Variants in ZNF714 observed in about 807,000 individuals in gnomAD.
ZNF714 encodes zinc finger protein 714.
Under a neutral mutation model 46.2 loss-of-function variants are expected in ZNF714, and 32 were observed. The observed-to-expected ratio is 0.69, with a 90% CI of 0.52 to 0.93. The LOEUF is 0.93. Ranked by LOEUF, ZNF714 falls within the 40% of genes least tolerant of loss-of-function variation. ZNF714 has a pLI of 0.00. For missense variants in ZNF714, 635 were observed against 646.3 expected, an observed-to-expected ratio of 0.98 and a Z score of 0.19; for synonymous variants, 199 against 213.1, an observed-to-expected ratio of 0.93 and a Z score of 0.58.
rs193010196 is a variant in ZNF714 at position 21,103,806 on chromosome 19, A to C, written c.142+4896A>C. 6.8e-4 allele frequency among the ~76,000 whole-genome samples: 104 copies of C among 151,894 alleles called. 2 individuals carry two copies. The East Asian group carries it at 0.012, about 18-fold the overall frequency. ...AGCTATTTGGGAGATTGAGGGGAGG[A>C]TTACTTGAGCCTGGGAGTTTGAGGC... On this transcript the variant is annotated intron_variant, in intron 4 of 4. Transcript: ENST00000456283.
At chr19:21,093,964 A>T (rs1476690890) in intron 2 of ZNF714, among the ~76,000 whole-genome samples, 1 of 152,144 alleles carries the variant, frequency 6.6e-6, no homozygotes, top group Non-Finnish European at 1.5e-5. Flanking sequence ...AGTCTACATT[A>T]ATAGGCAATT....
chr19:21,103,001 T>C (rs1379467174), intron 4 of ZNF714, among the ~76,000 whole-genome samples: 6 of 152,136 alleles, frequency 3.9e-5, no homozygotes, highest in Non-Finnish European at 8.8e-5. Flanking sequence ...TGTGTGTTTA[T>C]CTATAAATAT....
intron 4 of ZNF714, 71 bp downstream of exon 4, chr19:21,098,981 C>A (rs563301233): frequency 1.0e-4 from 92 of 911,024 alleles, no homozygotes; most frequent in Non-Finnish European, 1.4e-4. Context: ...AAAAGCAAGC[C>A]GGCCCTTACA....
chr19:21,097,467 G>A (rs997472744), intron 2 of ZNF714, among the ~76,000 whole-genome samples: 1 of 152,130 alleles, frequency 6.6e-6, no homozygotes, highest in Non-Finnish European at 1.5e-5. Flanking sequence ...AGAGCTCTCT[G>A]ACTTTTTTTC....
At position 21,098,909 on chromosome 19, in the gene ZNF714, A is replaced by G. The variant is rs1413447976; in HGVS notation, c.141A>G (p.Pro47=). 6.3e-7 allele frequency: 1 copy of G among 1,582,676 alleles called. No individual in the cohort carries two copies. The highest frequency in any genetic ancestry group is 8.6e-7 in the Non-Finnish European group (1 of 1,157,552). Residue 47 remains proline (P), a splice_region_variant and synonymous_variant, in exon 4 of 5, where the codon CCA becomes CCG. Transcript: ENST00000456283. ...MKICEMVDES[P]AMCSSFTRDL... is the part of the protein sequence containing the mutation. ...TATGTGAGATGGTGGATGAATCCCC[A>G]GGTAGGTGAGAGTGAACACAACAGA...
chr19:21,095,547 C>T (rs1013610263), intron 2 of ZNF714, among the ~76,000 whole-genome samples: 6 of 151,986 alleles, frequency 3.9e-5, no homozygotes, highest in African/African-American at 1.4e-4. Flanking sequence ...ACTGCAAGCT[C>T]CGTGTCCCGG....
At chr19:21,086,811 A>G (rs1306750922) in intron 2 of ZNF714, among the ~76,000 whole-genome samples, 3 of 152,072 alleles carry the variant, frequency 2.0e-5, no homozygotes, top group Non-Finnish European at 4.4e-5. Flanking sequence ...TCTTTTTAAC[A>G]TGGGCACACT....
Position 21,098,190 on chromosome 19 carries a change from G to T in ZNF714, c.-79G>T, listed in dbSNP as rs764731320. The T allele has an allele frequency of 6.2e-7, 1 of 1,609,090 alleles. No individual in the cohort carries two copies. The highest frequency in any genetic ancestry group is 1.1e-5 in the South Asian group (1 of 89,990). On this transcript the variant is annotated 5_prime_UTR_variant, in exon 3 of 5. Transcript: ENST00000456283. ...TGTGCGTATGTGTTTTTCAGGAGAC[G>T]TTGACATTTAGGGATGTGGCCATAG...
In ZNF714 at chr19:21,084,151, A is replaced by G. The variant is rs143742880; in HGVS notation, c.-85+82A>G. On this transcript the variant is annotated intron_variant, in intron 2 of 4. Coordinates refer to ENST00000456283, the MANE Select transcript of ZNF714 (RefSeq NM_182515.4). The stretch of plus-strand genomic sequence containing the variant: ...TGTCTAAGGGGTAGAAATATAATGA[A>G]ATAAATGTAGTGAAAGAAAAAATAG... 9.5e-3 allele frequency: 4,490 copies of G among 475,006 alleles called. 29 individuals are homozygous for G. The highest frequency in any genetic ancestry group is 0.025 in the Middle Eastern group (31 of 1,228). The allele number at this position is 475,006 out of a possible 1,614,324, so 29.4% of individuals were successfully genotyped here.
At chr19:21,085,572 C>G (rs955642450) in intron 2 of ZNF714, among the ~76,000 whole-genome samples, 1 of 152,244 alleles carries the variant, frequency 6.6e-6, no homozygotes, top group Non-Finnish European at 1.5e-5. Context: ...GTGAGTAACT[C>G]TAACATGGAA....
In ZNF714 at chr19:21,123,151, C is replaced by CCAA. The variant is rs1555702791; in HGVS notation, c.*4819_*4820insCAA. The CCAA allele has an allele frequency of 2.8e-5, 3 of 106,010 alleles. No individual in the cohort carries two copies. In the Admixed American group the frequency reaches 3.5e-4, roughly 12 times the overall value. The allele number at this position is 106,010 out of a possible 1,614,324, so 6.6% of individuals were successfully genotyped here. ...CCTGGACAAGAGCAAAACTCTGTCTCAAAAAAAAAAAAAAAAAAAGATTAA... is the reference window on the plus strand; with the variant it reads ...CCTGGACAAGAGCAAAACTCTGTCTCCAAAAAAAAAAAAAAAAAAAAAGATTAA... On this transcript the variant is annotated 3_prime_UTR_variant, in exon 5 of 5. Coordinates refer to ENST00000456283, the MANE Select transcript of ZNF714 (RefSeq NM_182515.4).
At chr19:21,097,264 A>G (rs1969063429) in intron 2 of ZNF714, among the ~76,000 whole-genome samples, 1 of 152,208 alleles carries the variant, frequency 6.6e-6, no homozygotes, top group African/African-American at 2.4e-5. Flanking sequence ...TAAAATCATT[A>G]CTAAAAATTA....
At chr19:21,087,220 A>T (rs1342116402) in intron 2 of ZNF714, among the ~76,000 whole-genome samples, 1 of 59,732 alleles carries the variant, frequency 1.7e-5, no homozygotes, top group Non-Finnish European at 3.6e-5. Flanking sequence ...GGGCAGTCTC[A>T]GCAAAAAAAA....
intron 4 of ZNF714, among the ~76,000 whole-genome samples, chr19:21,103,133 G>A (rs964507537): frequency 6.7e-6 from 1 of 148,980 alleles, no homozygotes; most frequent in African/African-American, 2.5e-5. Flanking sequence ...ATCTCCATGT[G>A]TCTAATGATG....
Position 21,123,620 on chromosome 19 carries a change from G to C in ZNF714, c.*5288G>C, listed in dbSNP as rs1969745968. ...TCCGCCCGCCTCGACCTCCCAAAGT[G>C]GTGGGATTACAGGCATGAGCCACAG... is the stretch of plus-strand genomic sequence containing the variant. On this transcript the variant is annotated 3_prime_UTR_variant, in exon 5 of 5. Transcript: ENST00000456283. Among the ~76,000 whole-genome samples the C allele has an allele frequency of 6.6e-6, 1 of 152,132 alleles. No individual in the cohort carries two copies. Among genetic ancestry groups the C allele is most frequent in the Admixed American group, 6.6e-5 (1 of 15,264 alleles).
intron 1 of ZNF714, among the ~76,000 whole-genome samples, chr19:21,082,565 A>G (rs1046015043): frequency 6.6e-6 from 1 of 152,010 alleles, no homozygotes; most frequent in Non-Finnish European, 1.5e-5. Flanking sequence ...CTGCGCAGTG[A>G]CTGGGCCCTG....
intron 4 of ZNF714, among the ~76,000 whole-genome samples, chr19:21,110,498 T>A (rs1969427107): frequency 6.6e-6 from 1 of 152,208 alleles, no homozygotes; most frequent in Non-Finnish European, 1.5e-5. Context: ...GATATTAGCT[T>A]TTGTCAGATG....
rs1409344247 is a variant in ZNF714, at chr19:21,123,311, T to A, written c.*4979T>A. 6.6e-6 allele frequency among the ~76,000 whole-genome samples: 1 copy of A among 152,110 alleles called. No individual in the cohort carries two copies. The highest frequency in any genetic ancestry group is 2.4e-5 in the African/African-American group (1 of 41,424). On this transcript the variant is annotated 3_prime_UTR_variant, in exon 5 of 5. Transcript: ENST00000456283. ...GCTTGAAAATATGGAAATTAAATTT[T>A]TAAGAGAGTTAATAGTAAACGAATT...
intron 3 of ZNF714, 26 bp downstream of exon 3, chr19:21,098,337 C>T: frequency 1.2e-6 from 2 of 1,601,796 alleles, no homozygotes; most frequent in Non-Finnish European, 1.7e-6. Context: ...ATACATAAGT[C>T]TTAATATACC....
Sources: gnomAD v4.1 joint callset for allele counts (sites outside exome capture counted in the v4.1 genomes callset) on GRCh38, gnomAD v4.1.1 for gene constraint, MANE v1.5 for transcripts, NCBI Gene and HGNC (gene_info 2026-07-23, HGNC 2026-07-21) for gene names.